The following WDR27 variants were observed in gnomAD, a reference collection of about 807,000 sequenced individuals.
WDR27 encodes WD repeat-containing protein 27.
Under a neutral mutation model 114.4 loss-of-function variants are expected in WDR27, and 100 were observed. The observed-to-expected ratio is 0.87, with a 90% CI of 0.74 to 1.03. WDR27 has a LOEUF of 1.03. Ranked by LOEUF, WDR27 falls within the 50% of genes least tolerant of loss-of-function variation. The pLI, the probability that WDR27 is intolerant of heterozygous loss-of-function variation, is 0.00. For synonymous variants in WDR27, 449 were observed against 423.1 expected (o/e 1.06, Z -0.75); for missense variants, 1,129 against 1,092.9 (o/e 1.03, Z -0.47).
intron 25 of WDR27, among the ~76,000 whole-genome samples, chr6:169,481,710 G>A (rs1450974383): frequency 1.3e-5 from 2 of 151,692 alleles, no homozygotes; most frequent in African/African-American, 4.9e-5. Context: ...CGAACCCACT[G>A]GGAGAGATGA....
intron 19 of WDR27, among the ~76,000 whole-genome samples, chr6:169,635,146 T>A (rs1191267429): frequency 6.6e-6 from 1 of 151,750 alleles, no homozygotes; most frequent in Non-Finnish European, 1.5e-5. Flanking sequence ...GGCGGGCAGA[T>A]CACGAGGTCA....
rs922980925 is a variant in WDR27, at chr6:169,659,279, C to A, written c.1198-72G>T. 2.6e-6 allele frequency: 4 copies of A among 1,556,778 alleles called. No homozygotes were observed. The African/African-American group carries it at 4.1e-5, about 16-fold the overall frequency. ...AGCAGACGAAACGTGCATCCGCACA[C>A]GTATCCTAACAGCTGCTTCATTCTC... is the stretch of plus-strand genomic sequence containing the variant. On this transcript the variant is annotated intron_variant, in intron 11 of 25. Transcript: ENST00000448612. This position sits in a 1 kb window ranked among gnomAD's most constrained non-coding sequence, Gnocchi z 4.3.
intron 25 of WDR27, among the ~76,000 whole-genome samples, chr6:169,485,500 G>A (rs1000340784): frequency 1.8e-4 from 27 of 152,092 alleles, no homozygotes; most frequent in African/African-American, 1.2e-4. Context: ...TTAAGAAGTC[G>A]AAAAATAACA....
At chr6:169,615,954 A>AT (rs1383945764) in intron 21 of WDR27, among the ~76,000 whole-genome samples, 19 of 39,638 alleles carry the variant, frequency 4.8e-4, no homozygotes, top group Admixed American at 8.7e-4. Flanking sequence ...TGAAAACCTA[A>AT]TAAAAAAAAA....
At chr6:169,482,510 T>A (rs1261327916) in intron 25 of WDR27, among the ~76,000 whole-genome samples, 2 of 152,190 alleles carry the variant, frequency 1.3e-5, no homozygotes, top group Non-Finnish European at 2.9e-5. Flanking sequence ...ATTTCTCTTA[T>A]AATCAGTGAT....
chr6:169,605,594 T>C (rs1808980643), intron 22 of WDR27, among the ~76,000 whole-genome samples: 1 of 21,520 alleles, frequency 4.6e-5, no homozygotes, highest in African/African-American at 1.0e-4. Context: ...ATTTTTTACA[T>C]TAAAAAAAAA....
At chr6:169,589,112 C>G (rs959036692) in intron 23 of WDR27, among the ~76,000 whole-genome samples, 1 of 152,188 alleles carries the variant, frequency 6.6e-6, no homozygotes, top group Admixed American at 6.5e-5. Flanking sequence ...TAATTCAGGA[C>G]TGATTTAATA....
chr6:169,429,788 T>C, the WDR27 span, among the ~76,000 whole-genome samples: 1 of 152,242 alleles, frequency 6.6e-6, no homozygotes, highest in African/African-American at 2.4e-5. Flanking sequence ...AAACTTTGCA[T>C]TTTTAATTTT....
chr6:169,571,804 C>T (rs9478057), intron 25 of WDR27, among the ~76,000 whole-genome samples: 68,724 of 151,912 alleles, frequency 0.45, 19,655 homozygotes, highest in Non-Finnish European at 0.65. Flanking sequence ...CACCACTGGA[C>T]TCCAGCCTGG....
chr6:169,510,484 A>T (rs959720618), intron 25 of WDR27, among the ~76,000 whole-genome samples: 1 of 152,092 alleles, frequency 6.6e-6, no homozygotes, highest in East Asian at 1.9e-4. Flanking sequence ...CTTTGTAGGG[A>T]CATGGATGAA....
At chr6:169,650,457 C>T (rs1822077025) in intron 14 of WDR27, among the ~76,000 whole-genome samples, 1 of 150,602 alleles carries the variant, frequency 6.6e-6, no homozygotes, top group South Asian at 2.1e-4. Context: ...CCCTCTTTCC[C>T]CTCATCTATC....
intron 25 of WDR27, among the ~76,000 whole-genome samples, chr6:169,567,996 G>A (rs777049736): frequency 8.5e-5 from 13 of 152,250 alleles, no homozygotes; most frequent in African/African-American, 1.4e-4. Context: ...AGCAGCATCT[G>A]TGTTCCAGGA....
chr6:169,672,060 G>C (rs1778877846), intron 3 of WDR27, 195 bp downstream of exon 3: 1 of 492,492 alleles, frequency 2.0e-6, no homozygotes, highest in Non-Finnish European at 3.5e-6. Flanking sequence ...AAGTCTGAAT[G>C]GCCTGGGGCC....
At chr6:169,429,572 A>G in the WDR27 span, among the ~76,000 whole-genome samples, 1 of 151,642 alleles carries the variant, frequency 6.6e-6, no homozygotes, top group Non-Finnish European at 1.5e-5. Context: ...GACTCTTTCT[A>G]TTTTCTGTCA....
Position 169,645,294 on chromosome 6 carries a change from G to A in WDR27, c.1658-1508C>T, listed in dbSNP as rs546897852. ...CACTGTAGAAAAGCCTAGTTCACCGGGTCATACTGTAGAAAATCCTAGTTC... is the reference window on the plus strand; with the variant it reads ...CACTGTAGAAAAGCCTAGTTCACCGAGTCATACTGTAGAAAATCCTAGTTC... On this transcript the variant is annotated intron_variant, in intron 16 of 25. Transcript: ENST00000448612. Among the ~76,000 whole-genome samples, 4 of 131,788 alleles carry A rather than the reference G, an allele frequency of 3.0e-5. No individual in the cohort carries two copies. The East Asian group carries it at 1.1e-3, about 36-fold the overall frequency. The allele number at this position is 131,788 out of a possible 152,430, so 86.5% of individuals were successfully genotyped here.
At chr6:169,532,740 A>C (rs1795743588) in intron 25 of WDR27, among the ~76,000 whole-genome samples, 1 of 152,066 alleles carries the variant, frequency 6.6e-6, no homozygotes. Flanking sequence ...TGTTCTTTTC[A>C]TAGTTGGTTA....
At chr6:169,675,718 A>T (rs183628600) in intron 2 of WDR27, among the ~76,000 whole-genome samples, 1 of 152,332 alleles carries the variant, frequency 6.6e-6, no homozygotes, top group East Asian at 1.9e-4. Context: ...TGAGATCGAT[A>T]GGAATATTCA....
In WDR27 at chr6:169,464,485, G is replaced by A. The variant is rs181615310; in HGVS notation, c.2646-6851C>T. ...GAATTAGGGTTGGCAATGATCTATT[G>A]GATATGACAACAAAGGCCCAGGCAA... On this transcript the variant is annotated intron_variant, in intron 25 of 25. Coordinates refer to ENST00000448612, the MANE Select transcript of WDR27 (RefSeq NM_182552.5). Among the ~76,000 whole-genome samples the A allele has an allele frequency of 2.5e-4, 38 of 152,214 alleles. No individual in the cohort carries two copies. The East Asian group carries it at 7.1e-3, about 29-fold the overall frequency.
At position 169,630,003 on chromosome 6, in the gene WDR27, G is replaced by A. The variant is rs77720749; in HGVS notation, c.2223+2944C>T. Among the ~76,000 whole-genome samples the A allele has an allele frequency of 8.6e-3, 1,273 of 148,740 alleles. 13 individuals carry two copies. The highest frequency in any genetic ancestry group is 0.03 in the African/African-American group (1,193 of 40,348). On this transcript the variant is annotated intron_variant, in intron 21 of 25. Transcript: ENST00000448612. The stretch of plus-strand genomic sequence containing the variant: ...ACGTATAAGATTCATTTATCTTCAC[G>A]ACTGAAATTTTTAAACTCAAGAATG...
Sources: allele counts gnomAD v4.1 joint callset (sites outside exome capture counted in the v4.1 genomes callset), GRCh38; gene constraint gnomAD v4.1.1; non-coding constraint Gnocchi (gnomAD v3.1); transcripts MANE v1.5; gene names NCBI Gene and HGNC (gene_info 2026-07-23, HGNC 2026-07-21).